Variants in FTO observed in about 807,000 individuals in gnomAD.
The protein encoded by FTO is FTO alpha-ketoglutarate dependent dioxygenase, also known as alpha-ketoglutarate-dependent dioxygenase FTO.
In FTO, 47 loss-of-function variants were observed where a neutral mutation model predicts 63.9. That is an observed-to-expected ratio of 0.74 (90% CI 0.58 to 0.94). The LOEUF is 0.94. Among genes scored for constraint, FTO ranks in the 40% least tolerant of loss-of-function variants. FTO has a pLI of 0.00. For synonymous variants in FTO, 207 were observed against 224.4 expected (o/e 0.92, Z 0.69); for missense variants, 562 against 618.1 (o/e 0.91, Z 0.96).
intron 8 of FTO, among the ~76,000 whole-genome samples, chr16:53,961,486 A>G (rs1199887862): frequency 6.6e-6 from 1 of 152,224 alleles, no homozygotes; most frequent in Non-Finnish European, 1.5e-5. Flanking sequence ...TTCATATACT[A>G]AATTGGAGAA....
intron 8 of FTO, among the ~76,000 whole-genome samples, chr16:54,083,785 C>T (rs530094928): frequency 1.3e-5 from 2 of 152,184 alleles, no homozygotes; most frequent in East Asian, 3.9e-4. Flanking sequence ...GGAAAGTTTG[C>T]GGGGGCTGGC....
chr16:53,886,721 T>G (rs1044016275), intron 6 of FTO, among the ~76,000 whole-genome samples: 18 of 152,376 alleles, frequency 1.2e-4, no homozygotes, highest in African/African-American at 4.3e-4. Flanking sequence ...TTCATACAAC[T>G]TGGTATTCTC....
At chr16:53,737,422 G>T (rs2076414886) in intron 1 of FTO, among the ~76,000 whole-genome samples, 1 of 152,134 alleles carries the variant, frequency 6.6e-6, no homozygotes, top group African/African-American at 2.4e-5. Context: ...TACAGTTGCT[G>T]TTTCGTACAG....
At chr16:53,936,041 T>G (rs2082383255) in intron 8 of FTO, among the ~76,000 whole-genome samples, 1 of 152,304 alleles carries the variant, frequency 6.6e-6, no homozygotes, top group South Asian at 2.1e-4. Context: ...TTTGGTTTGT[T>G]AACAATAATT....
intron 5 of FTO, 40 bp downstream of exon 5, chr16:53,873,905 G>A (rs1230022390): frequency 6.9e-7 from 1 of 1,450,658 alleles, no homozygotes; most frequent in Non-Finnish European, 9.7e-7. Flanking sequence ...CTAATTGGAT[G>A]TGACAGAAGT....
At chr16:54,093,310 T>C (rs2086437871) in intron 8 of FTO, among the ~76,000 whole-genome samples, 1 of 152,228 alleles carries the variant, frequency 6.6e-6, no homozygotes, top group Non-Finnish European at 1.5e-5. Context: ...ACCTATCAGC[T>C]AGCGCGGCAG....
At chr16:53,788,650 AT>A (rs2077817216) in intron 1 of FTO, among the ~76,000 whole-genome samples, 1 of 150,650 alleles carries the variant, frequency 6.6e-6, no homozygotes, top group East Asian at 1.9e-4. Flanking sequence ...CCCAACCTCT[AT>A]CTCCATTATC....
intron 4 of FTO, among the ~76,000 whole-genome samples, chr16:53,869,516 C>T (rs1598869924): frequency 6.7e-6 from 1 of 149,870 alleles, no homozygotes; most frequent in East Asian, 1.9e-4. Context: ...ATATATTACA[C>T]CTATTGCAGT....
At position 54,117,174 on chromosome 16, in the gene FTO, T is replaced by C. The variant is rs2086979755; in HGVS notation, c.*5259T>C. ...TCACTCTACCACCTCTTCAAACCTT[T>C]GTTGTCTTATCTACAAAATAGAATA... On this transcript the variant is annotated 3_prime_UTR_variant, in exon 9 of 9. Coordinates refer to ENST00000471389, the MANE Select transcript of FTO (RefSeq NM_001080432.3). 1 of 152,238 alleles carries C rather than the reference T, an allele frequency of 6.6e-6. No individual in the cohort carries two copies. The allele number at this position is 152,238 out of a possible 1,614,324, so 9.4% of individuals were successfully genotyped here. A position where few individuals can be genotyped will look rare whatever the true frequency, so the allele number is the denominator to read the frequency against.
intron 1 of FTO, among the ~76,000 whole-genome samples, chr16:53,795,941 A>G (rs1477824469): frequency 6.6e-6 from 1 of 152,184 alleles, no homozygotes; most frequent in Non-Finnish European, 1.5e-5. Flanking sequence ...AAAGACCAAG[A>G]GAGTTACCAT....
In FTO at chr16:53,910,166, T is replaced by G. The variant is rs563609050; in HGVS notation, c.1239+21215T>G. Among the ~76,000 whole-genome samples the G allele has an allele frequency of 2.6e-5, 4 of 152,274 alleles. No homozygotes were observed. In the South Asian group the frequency reaches 8.3e-4, roughly 32 times the overall value. On this transcript the variant is annotated intron_variant, in intron 7 of 8. Transcript: ENST00000471389. ...AAGAGGGATGGCTCTGTAACGTTAG[T>G]AGGGCATATTTGCAGAAAAGTATGT...
intron 7 of FTO, among the ~76,000 whole-genome samples, chr16:53,899,400 C>T (rs1284664609): frequency 6.6e-6 from 1 of 152,072 alleles, no homozygotes; most frequent in East Asian, 1.9e-4. Flanking sequence ...AATGACTTCT[C>T]CAACAAAGCT....
At chr16:53,739,591 G>A (rs1442121560) in intron 1 of FTO, among the ~76,000 whole-genome samples, 1 of 152,164 alleles carries the variant, frequency 6.6e-6, no homozygotes. Context: ...TGAATGGAAA[G>A]AAAGAAGTGG....
chr16:53,942,005 T>C (rs1333669238), intron 8 of FTO, among the ~76,000 whole-genome samples: 2 of 152,232 alleles, frequency 1.3e-5, no homozygotes, highest in African/African-American at 4.8e-5. Flanking sequence ...ATACCTTTCC[T>C]CTCAATCTAT....
At chr16:53,901,266 G>T (rs2081396265) in intron 7 of FTO, among the ~76,000 whole-genome samples, 1 of 151,982 alleles carries the variant, frequency 6.6e-6, no homozygotes, top group African/African-American at 2.4e-5. Context: ...TAATAATTTT[G>T]GACTTTGGTC....
intron 1 of FTO, among the ~76,000 whole-genome samples, chr16:53,803,227 G>C (rs995727078): frequency 6.6e-5 from 10 of 152,198 alleles, no homozygotes; most frequent in African/African-American, 2.4e-4. Flanking sequence ...ATCTTTTCAG[G>C]TGTTGCATTT....
chr16:53,908,937 T>C (rs1173342339), intron 7 of FTO, among the ~76,000 whole-genome samples: 1 of 152,210 alleles, frequency 6.6e-6, no homozygotes, highest in Non-Finnish European at 1.5e-5. Context: ...TATAAACATG[T>C]CTTGAGCATG....
At chr16:53,806,123 T>A (rs1260565109) in intron 1 of FTO, among the ~76,000 whole-genome samples, 2 of 152,146 alleles carry the variant, frequency 1.3e-5, no homozygotes, top group African/African-American at 2.4e-5. Context: ...ACAAAGAAAA[T>A]TGTCAGAGCT....
chr16:53,971,719 T>C (rs1469889522), intron 8 of FTO, among the ~76,000 whole-genome samples: 1 of 152,228 alleles, frequency 6.6e-6, no homozygotes. Context: ...TACTTTTAAC[T>C]GTGTGTTAAC....
Sources: allele counts gnomAD v4.1 joint callset (sites outside exome capture counted in the v4.1 genomes callset), GRCh38; gene constraint gnomAD v4.1.1; transcripts MANE v1.5; gene names NCBI Gene and HGNC (gene_info 2026-07-23, HGNC 2026-07-21).